Variants in ERCC6L2 observed in about 807,000 individuals in gnomAD.
ERCC6L2 encodes the protein ERCC excision repair 6 like 2, also known as DNA excision repair protein ERCC-6-like 2.
ERCC6L2 carries 77 observed loss-of-function variants against 132.0 expected under a neutral mutation model. The observed-to-expected ratio is 0.58, with a 90% CI of 0.49 to 0.71. ERCC6L2 has a LOEUF of 0.71. ERCC6L2 is among the 30% of genes least tolerant of loss of function. The pLI, the probability that ERCC6L2 is intolerant of heterozygous loss-of-function variation, is 0.00. For missense variants in ERCC6L2, 1,542 were observed against 1,837.6 expected, an observed-to-expected ratio of 0.84 and a Z score of 2.94; for synonymous variants, 583 against 632.4, an observed-to-expected ratio of 0.92 and a Z score of 1.17.
intron 4 of ERCC6L2, among the ~76,000 whole-genome samples, chr9:95,907,865 C>CAAA (rs1564212462): frequency 2.8e-5 from 1 of 35,314 alleles, no homozygotes; most frequent in Non-Finnish European, 5.9e-5. Flanking sequence ...ACCCCCACAC[C>CAAA]CACACACCCA....
At chr9:95,891,462 T>C (rs1327129411) in intron 2 of ERCC6L2, among the ~76,000 whole-genome samples, 1 of 152,230 alleles carries the variant, frequency 6.6e-6, no homozygotes, top group Non-Finnish European at 1.5e-5. Context: ...CTCCCACCTC[T>C]TTCTAGTTTC....
chr9:95,977,386 G>A (rs1167099620), intron 16 of ERCC6L2, among the ~76,000 whole-genome samples: 1 of 152,172 alleles, frequency 6.6e-6, no homozygotes, highest in Non-Finnish European at 1.5e-5. Context: ...TGCCAGAGCT[G>A]TTGCAGGGAG....
chr9:95,899,917 A>G (rs1828681366), intron 3 of ERCC6L2, among the ~76,000 whole-genome samples: 1 of 152,146 alleles, frequency 6.6e-6, no homozygotes, highest in African/African-American at 2.4e-5. Flanking sequence ...TGCAGATGGA[A>G]TTTTTTAGTA....
chr9:95,958,275 G>A (rs541937190), intron 13 of ERCC6L2, among the ~76,000 whole-genome samples: 1 of 151,928 alleles, frequency 6.6e-6, no homozygotes, highest in Non-Finnish European at 1.5e-5. Context: ...GTCTATCATT[G>A]TTGGACATTT....
chr9:95,979,458 G>A (rs1832805536), intron 17 of ERCC6L2, among the ~76,000 whole-genome samples: 1 of 152,158 alleles, frequency 6.6e-6, no homozygotes, highest in Admixed American at 6.5e-5. Context: ...CTGGTTCTAG[G>A]AGAAGCAAAG....
Position 95,880,858 on chromosome 9 carries a change from T to A in ERCC6L2, c.47-11T>A, listed in dbSNP as rs1372860544. 3 of 1,577,796 alleles carry A rather than the reference T, an allele frequency of 1.9e-6. No homozygotes were observed. The highest frequency in any genetic ancestry group is 3.9e-5 in the Admixed American group (2 of 50,810). ...CTAGCTTTGGAAACTTTATTTTCTTTATTCTTGCAGACATATGGCATCCAG... is the reference window on the plus strand; with the variant it reads ...CTAGCTTTGGAAACTTTATTTTCTTAATTCTTGCAGACATATGGCATCCAG... On this transcript the variant is annotated splice_polypyrimidine_tract_variant and intron_variant, in intron 1 of 18. Transcript: ENST00000653738.
chr9:96,014,393 T>C lies in ERCC6L2; in HGVS notation c.*1190T>C, dbSNP rs1188137347. 6.6e-6 allele frequency: 1 copy of C among 152,170 alleles called. No homozygotes were observed. The allele number at this position is 152,170 out of a possible 1,614,324, so 9.4% of individuals were successfully genotyped here. Reference sequence around the variant, plus strand: ...TGTACTCAGGATGTAGAGTCATTGCTCAGAAGTGAACAAAAAATCAAAAAC... The same window carrying C: ...TGTACTCAGGATGTAGAGTCATTGCCCAGAAGTGAACAAAAAATCAAAAAC... On this transcript the variant is annotated 3_prime_UTR_variant, in exon 19 of 19. Transcript: ENST00000653738.
At chr9:96,006,480 G>T (rs190667615) in intron 18 of ERCC6L2, among the ~76,000 whole-genome samples, 2 of 152,282 alleles carry the variant, frequency 1.3e-5, no homozygotes, top group South Asian at 2.1e-4. Flanking sequence ...CTATGAGTTC[G>T]GATGGAAGCA....
chr9:96,016,910 GTGTTTGTT>G lies in ERCC6L2; in HGVS notation c.*3722_*3729del, dbSNP rs553580223. On this transcript the variant is annotated 3_prime_UTR_variant, in exon 19 of 19. Coordinates refer to ENST00000653738, the MANE Select transcript of ERCC6L2 (RefSeq NM_020207.7). ...CTGCCTGCCTTAAAGGTTTTTTTGTGTGTTTGTTTGTTTGTTTGTTTGCATGTGAAGGA... is the reference window on the plus strand; with the variant it reads ...CTGCCTGCCTTAAAGGTTTTTTTGTGTGTTTGTTTGTTTGCATGTGAAGGA... 2.8e-5 allele frequency among the ~76,000 whole-genome samples: 4 copies of G among 143,082 alleles called. No homozygotes were observed. The highest frequency in any genetic ancestry group is 2.6e-4 in the East Asian group (1 of 3,900). The allele number at this position is 143,082 out of a possible 152,430, so 93.9% of individuals were successfully genotyped here. A position where few individuals can be genotyped will look rare whatever the true frequency, so the allele number is the denominator to read the frequency against.
Position 95,897,875 on chromosome 9 carries a change from G to A in ERCC6L2, c.498G>A (p.Leu166=). 1.9e-6 allele frequency: 3 copies of A among 1,612,678 alleles called. No individual in the cohort carries two copies. The highest frequency in any genetic ancestry group is 1.7e-5 in the Admixed American group (1 of 59,804). Residue 166 remains leucine, a synonymous_variant, in exon 3 of 19, where the codon TTG becomes TTA. Coordinates refer to ENST00000653738, the MANE Select transcript of ERCC6L2 (RefSeq NM_020207.7). ...TTATTTCATTTCTGGCTGCAGTTTT[G>A]CATAAAAAGGGAACTCGTGAGGATA... The part of the protein sequence containing the change: ...VQVISFLAAV[L]HKKGTREDIE...
At chr9:95,893,454 C>T (rs923190598) in intron 2 of ERCC6L2, among the ~76,000 whole-genome samples, 3 of 152,110 alleles carry the variant, frequency 2.0e-5, no homozygotes, top group Non-Finnish European at 2.9e-5. Context: ...ATCAAAGTTA[C>T]GCTGAACTCA....
intron 17 of ERCC6L2, among the ~76,000 whole-genome samples, chr9:95,979,347 A>G (rs1343758559): frequency 6.6e-6 from 1 of 152,058 alleles, no homozygotes; most frequent in Non-Finnish European, 1.5e-5. Context: ...ATGGGGAGGC[A>G]CTCCCATATG....
chr9:96,037,885 G>T lies in ERCC6L2; in HGVS notation c.*1504-991G>T, dbSNP rs557240387. Reference sequence around the variant, plus strand: ...GAAAGAGGTATCAACAGGTGTCCAGGGTGGCGCAGGGGCCACAAAGAACAG... The same window carrying T: ...GAAAGAGGTATCAACAGGTGTCCAGTGTGGCGCAGGGGCCACAAAGAACAG... On this transcript the variant is annotated intron_variant and NMD_transcript_variant, in intron 19 of 20. Coordinates refer to the ERCC6L2 transcript ENST00000670016. Among the ~76,000 whole-genome samples, 4 of 152,000 alleles carry T rather than the reference G, an allele frequency of 2.6e-5. No homozygotes were observed. The East Asian group carries it at 5.8e-4, about 22-fold the overall frequency.
In ERCC6L2 at chr9:96,012,209, T is replaced by C. The variant is rs1360394965; in HGVS notation, c.3675-16T>C. ...GTAATGAAAATAACCACTAGTTTTG[T>C]TCATTTAATCTTTAGAAAACAATTT... is the stretch of plus-strand genomic sequence containing the variant. On this transcript the variant is annotated splice_polypyrimidine_tract_variant and intron_variant, in intron 18 of 18. Coordinates refer to ENST00000653738, the MANE Select transcript of ERCC6L2 (RefSeq NM_020207.7). The C allele has an allele frequency of 2.5e-6, 3 of 1,220,052 alleles. No individual in the cohort carries two copies. The highest frequency in any genetic ancestry group is 6.7e-5 in the Admixed American group (2 of 29,834). 75.6% of individuals were successfully genotyped at this position (1,220,052 alleles called of 1,614,324 possible).
At chr9:95,992,127 CA>C (rs1833322609) in intron 17 of ERCC6L2, among the ~76,000 whole-genome samples, 1 of 152,140 alleles carries the variant, frequency 6.6e-6, no homozygotes, top group Admixed American at 6.5e-5. Flanking sequence ...ATATTAAAGA[CA>C]TTTGTAAAAA....
chr9:95,970,182 A>G (rs1411006638), intron 14 of ERCC6L2, among the ~76,000 whole-genome samples: 2 of 152,130 alleles, frequency 1.3e-5, no homozygotes, highest in Non-Finnish European at 2.9e-5. Context: ...AATATTCAAC[A>G]TTGTGGTGTT....
intron 6 of ERCC6L2, among the ~76,000 whole-genome samples, chr9:95,919,018 G>A (rs896252529): frequency 6.6e-6 from 1 of 152,134 alleles, no homozygotes; most frequent in Non-Finnish European, 1.5e-5. Flanking sequence ...ACAGGCGCAC[G>A]CCACCATGCC....
intron 17 of ERCC6L2, among the ~76,000 whole-genome samples, chr9:95,986,244 A>G (rs1030631412): frequency 2.0e-5 from 3 of 152,228 alleles, no homozygotes; most frequent in Non-Finnish European, 2.9e-5. Flanking sequence ...AAATTGGGCT[A>G]TATAGTAAGT....
intron 12 of ERCC6L2, among the ~76,000 whole-genome samples, chr9:95,951,952 G>A (rs1564255586): frequency 6.6e-6 from 1 of 151,672 alleles, no homozygotes; most frequent in East Asian, 1.9e-4. Flanking sequence ...GGCGGATCAC[G>A]AGTTCAGGAG....
Sources: allele counts gnomAD v4.1 joint callset (sites outside exome capture counted in the v4.1 genomes callset), GRCh38; gene constraint gnomAD v4.1.1; transcripts MANE v1.5; gene names NCBI Gene and HGNC (gene_info 2026-07-23, HGNC 2026-07-21).